GPRASP1: variants seen among roughly 807,000 people sequenced by gnomAD.
GPRASP1 encodes the protein G protein-coupled receptor-associated sorting protein 1.
In GPRASP1, 28 loss-of-function variants were observed where a neutral mutation model predicts 68.4. The ratio of observed to expected loss-of-function variants is 0.41; its 90% confidence interval spans 0.30 to 0.56. The LOEUF (loss-of-function observed/expected upper bound fraction) is 0.56. GPRASP1 is among the 20% of genes least tolerant of loss of function. The pLI, the probability that GPRASP1 is intolerant of heterozygous loss-of-function variation, is 0.29. For missense variants in GPRASP1, 913 were observed against 1,031.5 expected (o/e 0.89, Z 1.57); for synonymous variants, 304 against 358.2 (o/e 0.85, Z 1.71).
Position 102,655,667 on chromosome X carries a change from G to C in GPRASP1, c.1754G>C (p.Trp585Ser), listed in dbSNP as rs141596594. The change falls in exon 6 of 6, where the codon TGG (tryptophan) becomes TCG (serine). Residue 585 changes from tryptophan (W) to serine (S), a missense_variant. By Grantham distance (177) the Trp-to-Ser change is radical (BLOSUM62 -3). Coordinates refer to ENST00000537097, the MANE Select transcript of GPRASP1 (RefSeq NM_001184727.2). ...GAGACAATATTCGGGTCCTGGTTTT[G>C]GGCTGAAAACCAGACCTATATGGAT... ...EEETIFGSWFWAENQTYMDCR... is the reference protein window; with the variant it reads ...EEETIFGSWFSAENQTYMDCR... 28 of 1,209,174 alleles carry C rather than the reference G, an allele frequency of 2.3e-5. No homozygotes were observed. Among genetic ancestry groups the C allele is most frequent in the Non-Finnish European group, 2.5e-5 (22 of 894,912 alleles).
In GPRASP1 at chrX:102,657,165, C is replaced by A. The variant is rs761276458; in HGVS notation, c.3252C>A (p.Gly1084=). Residue 1084 remains glycine (G), a synonymous_variant, in exon 6 of 6, where the codon GGC becomes GGA. Transcript: ENST00000537097. ...AASLFCEMFG[G]KPRNMVLSPE... is the part of the protein sequence containing the mutation. ...CTTTATTCTGTGAAATGTTTGGGGGCAAACCCAGGAACATGGTACTTAGCC... is the reference window on the plus strand; with the variant it reads ...CTTTATTCTGTGAAATGTTTGGGGGAAAACCCAGGAACATGGTACTTAGCC... 4 of 1,208,303 alleles carry A rather than the reference C, an allele frequency of 3.3e-6. No homozygotes were observed. The South Asian group carries it at 5.3e-5, about 16-fold the overall frequency.
rs1326481171 is a variant in GPRASP1, at chrX:102,657,235, A to C, written c.3322A>C (p.Ser1108Arg). The C allele has an allele frequency of 8.3e-7, 1 of 1,210,281 alleles. No individual in the cohort carries two copies. Among genetic ancestry groups the C allele is most frequent in the East Asian group, 3.0e-5 (1 of 33,848 alleles). The part of the protein sequence containing the change: ...QESLLQPDQP[S>R]PEFPFQYDPS... ...ATCTTTGCTTCAGCCTGATCAGCCT[A>C]GTCCTGAGTTCCCATTTCAGTATGA... The change falls in exon 6 of 6, where the codon AGT becomes CGT. Residue 1108 changes from serine (S) to arginine (R), a missense_variant. By Grantham distance (110) the Ser-to-Arg change is moderately radical (BLOSUM62 -1). Transcript: ENST00000537097.
In GPRASP1 at chrX:102,657,998, T is replaced by C. The variant is rs1407372092; in HGVS notation, c.4085T>C (p.Ile1362Thr). Residue 1362 changes from isoleucine to threonine, a missense_variant, in exon 6 of 6, where the codon ATT becomes ACT. By Grantham distance (89) the Ile-to-Thr change is moderately conservative. Transcript: ENST00000537097. ...ETVFSDDDFN[I>T]EPLISAFHKV... ...GTGTTCTCTGATGATGATTTCAATA[T>C]TGAGCCGCTTATTTCTGCATTCCAC... is the stretch of plus-strand genomic sequence containing the variant. The C allele has an allele frequency of 8.4e-7, 1 of 1,195,689 alleles. No homozygotes were observed. The highest frequency in any genetic ancestry group is 1.8e-5 in the South Asian group (1 of 56,274).
Position 102,656,810 on chromosome X carries a change from G to T in GPRASP1, c.2897G>T (p.Gly966Val), listed in dbSNP as rs1004547665. ...GAGTCCAAGCCAGAAAATGAGGAAG[G>T]GGCCATTGTTGGGTCTTGGTTTGAG... ...TCESKPENEEGAIVGSWFEAE... is the reference protein window; with the variant it reads ...TCESKPENEEVAIVGSWFEAE... The change falls in exon 6 of 6, where the codon GGG becomes GTG. Residue 966 changes from glycine to valine, a missense_variant. Physicochemically the swap from Gly to Val is moderately radical, Grantham distance 109. Transcript: ENST00000537097. 6 of 1,208,884 alleles carry T rather than the reference G, an allele frequency of 5.0e-6. No individual in the cohort carries two copies. The highest frequency in any genetic ancestry group is 6.7e-6 in the Non-Finnish European group (6 of 894,674).
Position 102,656,825 on chromosome X carries a change from C to A in GPRASP1, c.2912C>A (p.Ser971Tyr). Residue 971 changes from serine to tyrosine, a missense_variant, in exon 6 of 6, where the codon TCT (serine) becomes TAT (tyrosine). Transcript: ENST00000537097. ...AATGAGGAAGGGGCCATTGTTGGGTCTTGGTTTGAGGCTGAAGATGAGGTA... is the reference window on the plus strand; with the variant it reads ...AATGAGGAAGGGGCCATTGTTGGGTATTGGTTTGAGGCTGAAGATGAGGTA... ...PENEEGAIVG[S>Y]WFEAEDEVDN... is the part of the protein sequence containing the mutation. 1 of 1,210,876 alleles carries A rather than the reference C, an allele frequency of 8.3e-7. No homozygotes were observed. The highest frequency in any genetic ancestry group is 1.8e-5 in the South Asian group (1 of 56,911).
intron 2 of GPRASP1, 37 bp downstream of exon 2, chrX:102,651,770 G>C (rs1256077542): frequency 8.9e-6 from 1 of 112,834 alleles, no homozygotes; most frequent in East Asian, 2.8e-4. Context: ...ATGGGGAGGC[G>C]GTGACTGGTG....
At position 102,657,502 on chromosome X, in the gene GPRASP1, G is replaced by A; in HGVS notation, c.3589G>A (p.Val1197Ile). Residue 1197 changes from valine (V) to isoleucine (I), a missense_variant, in exon 6 of 6, where the codon GTT (valine) becomes ATT (isoleucine). Val to Ile is a conservative substitution (Grantham distance 29). Coordinates refer to ENST00000537097, the MANE Select transcript of GPRASP1 (RefSeq NM_001184727.2). ...FTRDFIRDSGVVSLIETLLNY... is the reference protein window; with the variant it reads ...FTRDFIRDSGIVSLIETLLNY... ...CCGAGATTTCATTCGAGATTCAGGT[G>A]TTGTCTCACTTATTGAAACCTTGCT... 1 of 1,212,057 alleles carries A rather than the reference G, an allele frequency of 8.3e-7. No individual in the cohort carries two copies. The highest frequency in any genetic ancestry group is 1.8e-5 in the South Asian group (1 of 57,025).
At position 102,655,257 on chromosome X, in the gene GPRASP1, G is replaced by A. The variant is rs766535115; in HGVS notation, c.1344G>A (p.Gly448=). 8.3e-7 allele frequency: 1 copy of A among 1,211,771 alleles called. No individual in the cohort carries two copies. The highest frequency in any genetic ancestry group is 3.0e-5 in the East Asian group (1 of 33,850). The change falls in exon 6 of 6, where the codon GGG becomes GGA. Residue 448 remains glycine (G), a synonymous_variant. Coordinates refer to ENST00000537097, the MANE Select transcript of GPRASP1 (RefSeq NM_001184727.2). ...GGACTGAAGAAGAGGCCAGTATGGG[G>A]ACTGGGGCTAGCAGTAAATCCAGAC... ...WFWTEEEASM[G]TGASSKSRPR...
At position 102,657,072 on chromosome X, in the gene GPRASP1, G is replaced by A; in HGVS notation, c.3159G>A (p.Lys1053=). 1 of 1,211,621 alleles carries A rather than the reference G, an allele frequency of 8.3e-7. No individual in the cohort carries two copies. Among genetic ancestry groups the A allele is most frequent in the Non-Finnish European group, 1.1e-6 (1 of 895,254 alleles). The change falls in exon 6 of 6, where the codon AAG becomes AAA. Residue 1053 remains lysine, a synonymous_variant. Coordinates refer to ENST00000537097, the MANE Select transcript of GPRASP1 (RefSeq NM_001184727.2). The stretch of plus-strand genomic sequence containing the variant: ...GGGAGGAGGTCACTGTTCAGTTCAA[G>A]CCTGGTCCATGGGGTAGGGTCGGCT... ...QSWEEVTVQF[K]PGPWGRVGFP...
chrX:102,654,226 T>A lies in GPRASP1; in HGVS notation c.313T>A (p.Leu105Met). The change falls in exon 6 of 6, where the codon TTG becomes ATG. Residue 105 changes from leucine (L) to methionine (M), a missense_variant. Physicochemically the swap from Leu to Met is conservative, Grantham distance 15 (BLOSUM62 2). Transcript: ENST00000537097. ...TCAGCCCAGGTTTGGTGCTGAAAGA[T>A]TGTCTAAGACAGAGAGAAACTCCCA... ...WAQPRFGAERLSKTERNSQTN... is the reference protein window; with the variant it reads ...WAQPRFGAERMSKTERNSQTN... 2.5e-6 allele frequency: 3 copies of A among 1,212,064 alleles called. No homozygotes were observed. Among genetic ancestry groups the A allele is most frequent in the Non-Finnish European group, 3.4e-6 (3 of 895,395 alleles).
At position 102,655,200 on chromosome X, in the gene GPRASP1, G is replaced by A. The variant is rs1263298471; in HGVS notation, c.1287G>A (p.Val429=). 1.7e-6 allele frequency: 2 copies of A among 1,209,865 alleles called. No homozygotes were observed. Among genetic ancestry groups the A allele is most frequent in the East Asian group, 5.9e-5 (2 of 33,745 alleles). ...CCAGCATAGAGTCCAGTCTACAAGT[G>A]GAGGATGAGTCCATAATTGGGAGTT... ...DEASIESSLQ[V]EDESIIGSWF... is the part of the protein sequence containing the mutation. The change falls in exon 6 of 6, where the codon GTG becomes GTA. Residue 429 remains valine, a synonymous_variant. Coordinates refer to ENST00000537097, the MANE Select transcript of GPRASP1 (RefSeq NM_001184727.2).
chrX:102,658,054 G>A lies in GPRASP1; in HGVS notation c.4141G>A (p.Gly1381Ser). 8.4e-7 allele frequency: 1 copy of A among 1,185,288 alleles called. No individual in the cohort carries two copies. The change falls in exon 6 of 6, where the codon GGC becomes AGC. Residue 1381 changes from glycine (G) to serine (S), a missense_variant. Transcript: ENST00000537097. ...TGAGAAATTTGCTAAGGAACTGCAA[G>A]GCAAAACAGACAATCAAAATGACCC... ...KVEKFAKELQ[G>S]KTDNQNDPEG...
chrX:102,652,478 G>A (rs1167263313), intron 3 of GPRASP1, among the ~76,000 whole-genome samples: 2 of 112,846 alleles, frequency 1.8e-5, no homozygotes, highest in Non-Finnish European at 3.8e-5. Flanking sequence ...TAGGGGTGAT[G>A]AGGGAGACAT....
At chrX:102,653,410 C>G (rs151120413) in intron 5 of GPRASP1, 112 bp downstream of exon 5, 3,023 of 114,780 alleles carry the variant, frequency 0.026, 92 homozygotes, top group African/African-American at 0.095. Context: ...TGCCGACACA[C>G]TTTCCCACCA....
In GPRASP1 at chrX:102,657,303, G is replaced by A; in HGVS notation, c.3390G>A (p.Arg1130=). 1 of 1,210,950 alleles carries A rather than the reference G, an allele frequency of 8.3e-7. No homozygotes were observed. The highest frequency in any genetic ancestry group is 1.1e-6 in the Non-Finnish European group (1 of 894,950). Residue 1130 remains arginine, a synonymous_variant, in exon 6 of 6, where the codon AGG becomes AGA. Transcript: ENST00000537097. ...TCCAGGAAATTCGAGAGCATCTTAG[G>A]GCCAAGGAGAGTACAGAGCCTGAGA... ...RSVQEIREHL[R]AKESTEPESS... is the part of the protein sequence containing the mutation.
At chrX:102,653,536 T>G in intron 5 of GPRASP1, 44 bp from the exon 6 acceptor site, 1 of 153,118 alleles carries the variant, frequency 6.5e-6, no homozygotes, top group Non-Finnish European at 1.3e-5. Flanking sequence ...TGGGATGACA[T>G]AATTGGAAGA....
Position 102,657,040 on chromosome X carries a change from CA to C in GPRASP1, c.3128del (p.Gln1043ArgfsTer23), listed in dbSNP as rs752577795. The C allele has an allele frequency of 8.3e-7, 1 of 1,210,991 alleles. No homozygotes were observed. Among genetic ancestry groups the C allele is most frequent in the East Asian group, 3.0e-5 (1 of 33,829 alleles). ...GGAGCCTGATCCTTCACGCAGGCCTCAGAGTTGGGAGGAGGTCACTGTTCAG... is the reference window on the plus strand; with the variant it reads ...GGAGCCTGATCCTTCACGCAGGCCTCGAGTTGGGAGGAGGTCACTGTTCAG... ...EQEPDPSRRP[Q>X]SWEEVTVQFK... On this transcript the variant is annotated frameshift_variant, in exon 6 of 6. Transcript: ENST00000537097. LOFTEE classifies it high-confidence loss of function.
At position 102,657,066 on chromosome X, in the gene GPRASP1, G is replaced by T. The variant is rs1417833489; in HGVS notation, c.3153G>T (p.Gln1051His). 3.3e-6 allele frequency: 4 copies of T among 1,209,672 alleles called. No homozygotes were observed. The highest frequency in any genetic ancestry group is 4.5e-6 in the Non-Finnish European group (4 of 894,900). The change falls in exon 6 of 6, where the codon CAG becomes CAT. Residue 1051 changes from glutamine to histidine, a missense_variant. Transcript: ENST00000537097. Reference sequence around the variant, plus strand: ...AGAGTTGGGAGGAGGTCACTGTTCAGTTCAAGCCTGGTCCATGGGGTAGGG... The same window carrying T: ...AGAGTTGGGAGGAGGTCACTGTTCATTTCAAGCCTGGTCCATGGGGTAGGG... ...RPQSWEEVTVQFKPGPWGRVG... is the reference protein window; with the variant it reads ...RPQSWEEVTVHFKPGPWGRVG...
Position 102,656,096 on chromosome X carries a change from A to G in GPRASP1, c.2183A>G (p.Glu728Gly), listed in dbSNP as rs1269255083. The stretch of plus-strand genomic sequence containing the variant: ...ATAGGGTCCTGGTTATGGGCTACAG[A>G]AGAGAGTAATATAGATGGGACTGGA... ...AIIGSWLWAT[E>G]ESNIDGTGEK... The change falls in exon 6 of 6, where the codon GAA (glutamate) becomes GGA (glycine). Residue 728 changes from glutamate to glycine, a missense_variant. Coordinates refer to ENST00000537097, the MANE Select transcript of GPRASP1 (RefSeq NM_001184727.2). The G allele has an allele frequency of 1.7e-6, 2 of 1,211,273 alleles. 1 individual carries two copies. The highest frequency in any genetic ancestry group is 3.5e-5 in the South Asian group (2 of 56,973).
Sources: allele counts gnomAD v4.1 joint callset (sites outside exome capture counted in the v4.1 genomes callset), GRCh38; gene constraint gnomAD v4.1.1; transcripts MANE v1.5; gene names NCBI Gene and HGNC (gene_info 2026-07-23, HGNC 2026-07-21).